CSMD1: variants seen among roughly 807,000 people sequenced by gnomAD.
CSMD1 encodes the protein CUB and sushi domain-containing protein 1.
In CSMD1, 213 loss-of-function variants were observed where a neutral mutation model predicts 417.5. That is an observed-to-expected ratio of 0.51 (90% CI 0.46 to 0.57). The LOEUF is 0.57. Ranked by LOEUF, CSMD1 falls within the 20% of genes least tolerant of loss-of-function variation. CSMD1 has a pLI of 0.00. For synonymous variants in CSMD1, 2,862 were observed against 1,736.8 expected (o/e 1.65, Z -16.11); for missense variants, 6,923 against 4,529.7 (o/e 1.53, Z -15.17).
chr8:3,190,129 A>G lies in CSMD1; in HGVS notation c.5195-14T>C, dbSNP rs1474123077. 1 of 1,569,246 alleles carries G rather than the reference A, an allele frequency of 6.4e-7. No individual in the cohort carries two copies. The highest frequency in any genetic ancestry group is 1.9e-5 in the Admixed American group (1 of 53,130). On this transcript the variant is annotated splice_polypyrimidine_tract_variant and intron_variant, in intron 33 of 69. Coordinates refer to ENST00000635120, the MANE Select transcript of CSMD1 (RefSeq NM_033225.6). ...TACGAGGAACAGCTAGAAGCAAAGT[A>G]CAGAACACAGCCGTCTGTATCTCCA...
chr8:4,942,205 C>A (rs1047560707), intron 1 of CSMD1, among the ~76,000 whole-genome samples: 8 of 152,138 alleles, frequency 5.3e-5, no homozygotes, highest in African/African-American at 1.4e-4. Flanking sequence ...CCCCAACACA[C>A]AGACACATAT....
intron 1 of CSMD1, among the ~76,000 whole-genome samples, chr8:4,741,548 G>C (rs1469127112): frequency 6.6e-6 from 1 of 152,150 alleles, no homozygotes. Flanking sequence ...TGAATAATAA[G>C]AAGAATGAAC....
chr8:3,777,148 ACACACACACAC>A (rs1185336538), intron 5 of CSMD1, among the ~76,000 whole-genome samples: 7 of 151,448 alleles, frequency 4.6e-5, no homozygotes, highest in African/African-American at 1.5e-4. Context: ...ACACACACAC[ACACACACACAC>A]ATCATATATA....
rs992019075 is a variant in CSMD1 at position 3,223,058 on chromosome 8, G to C, written c.4484+671C>G. ...CCTTCATAAACAACACATTCATTTAGTTCAAAAGTCAAAGTCTAAAGTTAG... is the reference window on the plus strand; with the variant it reads ...CCTTCATAAACAACACATTCATTTACTTCAAAAGTCAAAGTCTAAAGTTAG... On this transcript the variant is annotated intron_variant, in intron 28 of 69. Transcript: ENST00000635120. Among the ~76,000 whole-genome samples, 12 of 152,268 alleles carry C rather than the reference G, an allele frequency of 7.9e-5. 1 individual carries two copies. Among genetic ancestry groups the C allele is most frequent in the South Asian group, 2.1e-4 (1 of 4,830 alleles).
intron 25 of CSMD1, among the ~76,000 whole-genome samples, chr8:3,295,066 T>G (rs1803863578): frequency 1.3e-5 from 2 of 152,220 alleles, no homozygotes; most frequent in Admixed American, 6.5e-5. Context: ...TAGTTACATA[T>G]TAAATATTAC....
intron 1 of CSMD1, among the ~76,000 whole-genome samples, chr8:4,956,777 A>G (rs1372142162): frequency 6.6e-6 from 1 of 152,158 alleles, no homozygotes; most frequent in Non-Finnish European, 1.5e-5. Flanking sequence ...CACAAACAGG[A>G]CAAGTTCACC....
rs151240922 is a variant in CSMD1, at chr8:3,868,598, G to A, written c.819-114556C>T. Among the ~76,000 whole-genome samples, 330 of 152,194 alleles carry A rather than the reference G, an allele frequency of 2.2e-3. 1 individual carries two copies. The highest frequency in any genetic ancestry group is 3.7e-3 in the Non-Finnish European group (251 of 68,020). On this transcript the variant is annotated intron_variant, in intron 5 of 69. Transcript: ENST00000635120. The stretch of plus-strand genomic sequence containing the variant: ...GGGTCCAGCAGCCCACTCAGCTCAC[G>A]CAATAGGACCCGAACCTCACATGCA...
intron 3 of CSMD1, among the ~76,000 whole-genome samples, chr8:4,325,731 T>G (rs771075422): frequency 3.3e-5 from 5 of 152,160 alleles, no homozygotes; most frequent in Non-Finnish European, 7.3e-5. Flanking sequence ...AATCCAACAC[T>G]GAGAAGGCGT....
At chr8:3,282,849 A>G (rs34267315) in intron 26 of CSMD1, among the ~76,000 whole-genome samples, 109,676 of 152,012 alleles carry the variant, frequency 0.72, 40,558 homozygotes, top group Admixed American at 0.82. Context: ...TAAATCCTAA[A>G]TATGACTTGT....
At chr8:3,926,223 T>C (rs1325916004) in intron 5 of CSMD1, among the ~76,000 whole-genome samples, 1 of 152,188 alleles carries the variant, frequency 6.6e-6, no homozygotes, top group Non-Finnish European at 1.5e-5. Context: ...TATGTTGATT[T>C]ATTTCCTCTT....
chr8:3,159,712 A>G (rs1436824800), intron 38 of CSMD1, among the ~76,000 whole-genome samples: 1 of 152,252 alleles, frequency 6.6e-6, no homozygotes, highest in Admixed American at 6.5e-5. Context: ...GAAAAGAAAC[A>G]CAGCTTAGTT....
intron 5 of CSMD1, among the ~76,000 whole-genome samples, chr8:3,771,759 C>A (rs1798586324): frequency 1.3e-5 from 2 of 152,138 alleles, no homozygotes; most frequent in South Asian, 4.1e-4. Context: ...GTTCAAATGA[C>A]AGCATCATGC....
intron 5 of CSMD1, among the ~76,000 whole-genome samples, chr8:3,914,626 C>G (rs552358563): frequency 2.0e-5 from 3 of 152,120 alleles, no homozygotes; most frequent in Non-Finnish European, 2.9e-5. Flanking sequence ...AAATGAAACT[C>G]TTTCTGTCTC....
At chr8:4,525,476 T>G (rs114971137) in intron 2 of CSMD1, among the ~76,000 whole-genome samples, 1 of 152,158 alleles carries the variant, frequency 6.6e-6, no homozygotes, top group Non-Finnish European at 1.5e-5. Context: ...AGATAACACA[T>G]TGATTTGTCG....
At chr8:3,041,483 G>A (rs947478561) in intron 50 of CSMD1, among the ~76,000 whole-genome samples, 3 of 152,138 alleles carry the variant, frequency 2.0e-5, no homozygotes, top group Admixed American at 6.5e-5. Flanking sequence ...TTTTCTAGGC[G>A]TAATATTATC....
chr8:4,385,797 T>C (rs563482179), intron 3 of CSMD1, among the ~76,000 whole-genome samples: 2 of 152,312 alleles, frequency 1.3e-5, no homozygotes, highest in East Asian at 3.9e-4. Context: ...TGTAGAGTGT[T>C]AATGTCTCAT....
intron 10 of CSMD1, among the ~76,000 whole-genome samples, chr8:3,510,905 G>A (rs1376420666): frequency 6.6e-6 from 1 of 151,694 alleles, no homozygotes; most frequent in African/African-American, 2.4e-5. Context: ...CTGGATATTA[G>A]CCCTTCGTCA....
At chr8:3,209,149 TA>T (rs1797461308) in intron 30 of CSMD1, among the ~76,000 whole-genome samples, 2 of 152,288 alleles carry the variant, frequency 1.3e-5, no homozygotes, top group African/African-American at 4.8e-5. Flanking sequence ...TGTCTTTTAC[TA>T]CCTTGATAAA....
chr8:4,532,284 G>T lies in CSMD1; in HGVS notation c.302+105058C>A, dbSNP rs967423213. ...ACAGTCACTCCAGAAAAGAAATCCT[G>T]CAAGCCCATTCACAGTCACTCCAGA... On this transcript the variant is annotated intron_variant, in intron 2 of 69. Coordinates refer to ENST00000635120, the MANE Select transcript of CSMD1 (RefSeq NM_033225.6). Among the ~76,000 whole-genome samples the T allele has an allele frequency of 2.2e-5, 3 of 139,448 alleles. No individual in the cohort carries two copies. The Admixed American group carries it at 2.2e-4, about 10-fold the overall frequency. 91.5% of individuals were successfully genotyped at this position (139,448 alleles called of 152,430 possible).
Sources: gnomAD v4.1 joint callset for allele counts (sites outside exome capture counted in the v4.1 genomes callset) on GRCh38, gnomAD v4.1.1 for gene constraint, MANE v1.5 for transcripts, NCBI Gene and HGNC (gene_info 2026-07-23, HGNC 2026-07-21) for gene names.